The following NKAIN2 variants were observed in gnomAD, a reference collection of about 807,000 sequenced individuals.
NKAIN2 encodes sodium/potassium transporting ATPase interacting 2.
NKAIN2 carries 14 observed loss-of-function variants against 32.6 expected under a neutral mutation model. The ratio of observed to expected loss-of-function variants is 0.43; its 90% CI spans 0.28 to 0.67. NKAIN2 has a LOEUF of 0.67. NKAIN2 is among the 30% of genes least tolerant of loss of function. The pLI, the probability that NKAIN2 is intolerant of heterozygous loss-of-function variation, is 0.17. For missense variants in NKAIN2, 198 were observed against 258.3 expected (o/e 0.77, Z 1.60); for synonymous variants, 80 against 87.2 (o/e 0.92, Z 0.46).
chr6:124,814,507 CGAATAATCA>C, intron 5 of NKAIN2, among the ~76,000 whole-genome samples: 1 of 152,218 alleles, frequency 6.6e-6, no homozygotes, highest in East Asian at 1.9e-4. Context: ...CAGCATGGTC[CGAATAATCA>C]GAATGATCAC....
chr6:124,340,577 T>C (rs6900324), intron 2 of NKAIN2, among the ~76,000 whole-genome samples: 55,173 of 151,954 alleles, frequency 0.36, 10,506 homozygotes, highest in African/African-American at 0.46. Flanking sequence ...TTTCCTTCTT[T>C]GTATTCATAA....
chr6:123,888,174 A>G (rs943571226), intron 1 of NKAIN2, among the ~76,000 whole-genome samples: 4 of 152,108 alleles, frequency 2.6e-5, no homozygotes, highest in Admixed American at 2.0e-4. Context: ...TATGTATAGA[A>G]TGTTGTTTTT....
chr6:124,365,862 T>G (rs957435692), intron 3 of NKAIN2, among the ~76,000 whole-genome samples: 1 of 151,972 alleles, frequency 6.6e-6, no homozygotes, highest in African/African-American at 2.4e-5. Context: ...TGTGTGGAAA[T>G]TAAACAATAT....
chr6:124,276,621 G>T (rs1795047080), intron 1 of NKAIN2, among the ~76,000 whole-genome samples: 1 of 152,072 alleles, frequency 6.6e-6, no homozygotes, highest in African/African-American at 2.4e-5. Flanking sequence ...GAACAACACA[G>T]AGAATCTTAA....
intron 1 of NKAIN2, among the ~76,000 whole-genome samples, chr6:124,242,075 C>A (rs1793132324): frequency 6.6e-6 from 1 of 152,044 alleles, no homozygotes. Context: ...AGAGCTTATG[C>A]ACAGCAAAAG....
chr6:124,375,726 C>A (rs1799962458), intron 3 of NKAIN2, among the ~76,000 whole-genome samples: 2 of 151,850 alleles, frequency 1.3e-5, no homozygotes, highest in South Asian at 2.1e-4. Flanking sequence ...GTTGTTGAAA[C>A]CATCATTTTC....
chr6:124,222,534 A>G (rs1791889571), intron 1 of NKAIN2, among the ~76,000 whole-genome samples: 1 of 152,146 alleles, frequency 6.6e-6, no homozygotes, highest in Non-Finnish European at 1.5e-5. Flanking sequence ...CTAAAAGAAG[A>G]AAGGGAATGA....
rs572949155 is a variant in NKAIN2 at position 124,275,408 on chromosome 6, A to G, written c.55-7597A>G. 5.5e-4 allele frequency among the ~76,000 whole-genome samples: 84 copies of G among 152,182 alleles called. 1 individual carries two copies. In the South Asian group the frequency reaches 0.014, roughly 26 times the overall value. On this transcript the variant is annotated intron_variant, in intron 1 of 6. Transcript: ENST00000368417. ...ATGAGAAAATGCACTTCTTGTCTCT[A>G]TTTGGTTTCTTTGAACTTATGCCAA...
intron 4 of NKAIN2, among the ~76,000 whole-genome samples, chr6:124,694,584 A>G (rs1282107058): frequency 6.6e-6 from 1 of 152,226 alleles, no homozygotes; most frequent in Non-Finnish European, 1.5e-5. Context: ...CAACAGCTTG[A>G]ATCCAGCAGC....
At chr6:123,836,673 C>T (rs549833282) in intron 1 of NKAIN2, among the ~76,000 whole-genome samples, 15 of 151,134 alleles carry the variant, frequency 9.9e-5, no homozygotes, top group Admixed American at 7.3e-4. Context: ...GTGGAAAACA[C>T]GGTGAAATCT....
intron 1 of NKAIN2, among the ~76,000 whole-genome samples, chr6:124,254,871 A>G (rs568321140): frequency 6.6e-6 from 1 of 152,294 alleles, no homozygotes; most frequent in African/African-American, 2.4e-5. Flanking sequence ...TGAACACCTA[A>G]TTATTACTCT....
intron 1 of NKAIN2, among the ~76,000 whole-genome samples, chr6:123,904,887 T>G (rs986407002): frequency 6.6e-5 from 10 of 152,212 alleles, no homozygotes; most frequent in Non-Finnish European, 1.3e-4. Flanking sequence ...CTTTTTGGAT[T>G]GCGTGTTGTA....
chr6:124,162,075 T>C (rs1554261732), intron 1 of NKAIN2, among the ~76,000 whole-genome samples: 2 of 152,188 alleles, frequency 1.3e-5, no homozygotes, highest in Non-Finnish European at 2.9e-5. Context: ...CTTTTATTTC[T>C]GGGGAAAGTC....
At chr6:124,618,525 A>G (rs1386272385) in intron 3 of NKAIN2, among the ~76,000 whole-genome samples, 3 of 152,192 alleles carry the variant, frequency 2.0e-5, no homozygotes, top group Non-Finnish European at 2.9e-5. Context: ...GCATTTTTCT[A>G]CAAATGACTT....
intron 1 of NKAIN2, among the ~76,000 whole-genome samples, chr6:123,890,094 T>G (rs1031251287): frequency 5.9e-5 from 9 of 152,220 alleles, no homozygotes; most frequent in Admixed American, 2.6e-4. Flanking sequence ...GGAATTAGGA[T>G]GCTTTTGTTA....
In NKAIN2 at chr6:124,179,553, A is replaced by G. The variant is rs140995221; in HGVS notation, c.55-103452A>G. Among the ~76,000 whole-genome samples, 26 of 152,352 alleles carry G rather than the reference A, an allele frequency of 1.7e-4. No homozygotes were observed. The East Asian group carries it at 5.0e-3, about 29-fold the overall frequency. On this transcript the variant is annotated intron_variant, in intron 1 of 6. Coordinates refer to ENST00000368417, the MANE Select transcript of NKAIN2 (RefSeq NM_001040214.3). ...CAAGAACCAGAGAAGTTACAAAATT[A>G]CAGTTGAGAGGAAAAGGAGGGGAGA...
At chr6:124,156,543 A>G (rs1215685019) in intron 1 of NKAIN2, among the ~76,000 whole-genome samples, 1 of 152,164 alleles carries the variant, frequency 6.6e-6, no homozygotes, top group Non-Finnish European at 1.5e-5. Flanking sequence ...AGAAATGAAA[A>G]GAAGTTCAGT....
In NKAIN2 at chr6:123,871,437, T is replaced by C. The variant is rs779655270; in HGVS notation, c.54+67183T>C. On this transcript the variant is annotated intron_variant, in intron 1 of 6. Transcript: ENST00000368417. ...ATTAGCCATAGTCTGACCTGACTGC[T>C]CCCCAGGTCTGCTTCAGAGCTAGCC... 7.9e-5 allele frequency among the ~76,000 whole-genome samples: 12 copies of C among 152,284 alleles called. No homozygotes were observed. The South Asian group carries it at 2.3e-3, about 29-fold the overall frequency.
intron 1 of NKAIN2, among the ~76,000 whole-genome samples, chr6:124,042,714 C>T (rs1781926632): frequency 6.6e-6 from 1 of 151,980 alleles, no homozygotes; most frequent in South Asian, 2.1e-4. Flanking sequence ...AGCTAGTTAA[C>T]AGGAATAAAT....
Sources: gnomAD v4.1 joint callset for allele counts (sites outside exome capture counted in the v4.1 genomes callset) on GRCh38, gnomAD v4.1.1 for gene constraint, MANE v1.5 for transcripts, NCBI Gene and HGNC (gene_info 2026-07-23, HGNC 2026-07-21) for gene names.